Variants in CHIC2 observed in about 807,000 individuals in gnomAD.
CHIC2 encodes the protein cysteine rich hydrophobic domain 2.
CHIC2 carries 14 observed loss-of-function variants against 25.9 expected under a neutral mutation model. The ratio of observed to expected loss-of-function variants is 0.54; its 90% CI spans 0.36 to 0.85. CHIC2 has a LOEUF of 0.85. CHIC2 is among the 40% of genes least tolerant of loss of function. The pLI is 0.01. For missense variants in CHIC2, 146 were observed against 202.0 expected (o/e 0.72, Z 1.68); for synonymous variants, 70 against 72.0 (o/e 0.97, Z 0.14).
chr4:54,062,765 C>T (rs1336933442), intron 1 of CHIC2, among the ~76,000 whole-genome samples: 3 of 152,164 alleles, frequency 2.0e-5, no homozygotes, highest in Admixed American at 2.0e-4. Context: ...CATCCACATA[C>T]TCCTTAGGCT....
At chr4:54,042,147 C>T (rs982950891) in intron 3 of CHIC2, among the ~76,000 whole-genome samples, 2 of 151,868 alleles carry the variant, frequency 1.3e-5, no homozygotes, top group Non-Finnish European at 2.9e-5. Flanking sequence ...TAGTTTACAC[C>T]CAAGGACAGA....
At chr4:54,034,761 A>T (rs1377548802) in intron 3 of CHIC2, among the ~76,000 whole-genome samples, 1 of 152,170 alleles carries the variant, frequency 6.6e-6, no homozygotes, top group Non-Finnish European at 1.5e-5. Context: ...CCTGGCTAGA[A>T]TCTCCAGAAT....
At chr4:54,083,173 A>C in the CHIC2 span, among the ~76,000 whole-genome samples, 1 of 149,968 alleles carries the variant, frequency 6.7e-6, no homozygotes, top group African/African-American at 2.4e-5. Flanking sequence ...GTGCCACCTC[A>C]CCCAGCTAAT....
At chr4:54,016,394 A>G (rs1715741180) in intron 3 of CHIC2, among the ~76,000 whole-genome samples, 1 of 152,176 alleles carries the variant, frequency 6.6e-6, no homozygotes, top group East Asian at 1.9e-4. Flanking sequence ...GTATTTGAAT[A>G]AAAGATAATT....
At chr4:54,029,674 T>C (rs1205947814) in intron 3 of CHIC2, among the ~76,000 whole-genome samples, 2 of 152,232 alleles carry the variant, frequency 1.3e-5, no homozygotes, top group African/African-American at 4.8e-5. Context: ...TGATTCTTCA[T>C]CTAAATGTTT....
intron 5 of CHIC2, among the ~76,000 whole-genome samples, chr4:54,010,489 A>G (rs1715551114): frequency 1.3e-5 from 2 of 152,078 alleles, no homozygotes; most frequent in Non-Finnish European, 2.9e-5. Flanking sequence ...CACTCATGAG[A>G]AAAGAGGCTA....
the CHIC2 span, among the ~76,000 whole-genome samples, chr4:54,083,647 T>A: frequency 6.6e-6 from 1 of 152,274 alleles, no homozygotes; most frequent in East Asian, 1.9e-4. Flanking sequence ...TCCAAATTAC[T>A]CTTGAATTTA....
chr4:54,041,038 T>C (rs1716560861), intron 3 of CHIC2, among the ~76,000 whole-genome samples: 1 of 147,932 alleles, frequency 6.8e-6, no homozygotes, highest in Admixed American at 6.9e-5. Flanking sequence ...TGCCTCAGCC[T>C]CCCGAGTAGC....
At chr4:54,075,885 T>G in the CHIC2 span, among the ~76,000 whole-genome samples, 3 of 152,226 alleles carry the variant, frequency 2.0e-5, no homozygotes, top group Non-Finnish European at 1.5e-5. Flanking sequence ...TAATATTTTA[T>G]AAAACATGTT....
Position 54,010,143 on chromosome 4 carries a change from G to A in CHIC2, c.450C>T (p.Val150=), listed in dbSNP as rs755185416. Residue 150 remains valine (V), a splice_region_variant and synonymous_variant, in exon 6 of 6, where the codon GTC becomes GTT. Transcript: ENST00000263921. ...KCETNNMMEY[V]ILIEFLPKTP... The stretch of plus-strand genomic sequence containing the variant: ...TCTTTGGTAAAAATTCTATGAGGAT[G>A]ACCTGTAAAAGGAGAAGAAAAAGGT... 2 of 1,604,170 alleles carry A rather than the reference G, an allele frequency of 1.2e-6. No individual in the cohort carries two copies. Among genetic ancestry groups the A allele is most frequent in the Non-Finnish European group, 1.7e-6 (2 of 1,171,864 alleles).
rs1168965400 is a variant in CHIC2, at chr4:54,049,122, T to A, written c.175-12A>T. 1 of 1,592,330 alleles carries A rather than the reference T, an allele frequency of 6.3e-7. No individual in the cohort carries two copies. Among genetic ancestry groups the A allele is most frequent in the Non-Finnish European group, 8.5e-7 (1 of 1,170,488 alleles). On this transcript the variant is annotated splice_polypyrimidine_tract_variant and intron_variant, in intron 2 of 5. Coordinates refer to ENST00000263921, the MANE Select transcript of CHIC2 (RefSeq NM_012110.4). The stretch of plus-strand genomic sequence containing the variant: ...TCTTCAGGAGCTACCTAAAGAAAAA[T>A]TTTAAGAAATAATAACAATGCAATA...
At chr4:54,010,195 C>T in intron 5 of CHIC2, 50 bp from the exon 6 acceptor site, 1 of 1,341,586 alleles carries the variant, frequency 7.5e-7, no homozygotes. Flanking sequence ...AAAATTTTTT[C>T]TTAAAACTTC....
At chr4:54,046,274 T>C (rs1430744204) in intron 3 of CHIC2, among the ~76,000 whole-genome samples, 1 of 152,160 alleles carries the variant, frequency 6.6e-6, no homozygotes, top group Admixed American at 6.5e-5. Context: ...TACCAATGAC[T>C]TTCTTCACAG....
intron 1 of CHIC2, among the ~76,000 whole-genome samples, chr4:54,057,406 G>A (rs1200177860): frequency 1.3e-5 from 2 of 152,050 alleles, no homozygotes; most frequent in Non-Finnish European, 2.9e-5. Flanking sequence ...TATCCTTTCA[G>A]TTCCTCAGGC....
chr4:54,044,595 C>G (rs1168050716), intron 3 of CHIC2, among the ~76,000 whole-genome samples: 3 of 151,898 alleles, frequency 2.0e-5, no homozygotes, highest in African/African-American at 7.3e-5. Context: ...TCCTTTGAAA[C>G]CAATGAGAAC....
chr4:54,065,222 G>C (rs1322283452), upstream of CHIC2: 1 of 666,406 alleles, frequency 1.5e-6, no homozygotes, highest in African/African-American at 2.0e-5. Context: ...CAATATATGA[G>C]GCCAGCGATG....
chr4:54,043,682 C>A (rs1253134974), intron 3 of CHIC2, among the ~76,000 whole-genome samples: 1 of 152,120 alleles, frequency 6.6e-6, no homozygotes, highest in Non-Finnish European at 1.5e-5. Flanking sequence ...ACAACTGGTA[C>A]CAGCCACTGC....
chr4:54,043,170 C>G (rs1174257088), intron 3 of CHIC2, among the ~76,000 whole-genome samples: 1 of 152,074 alleles, frequency 6.6e-6, no homozygotes, highest in Non-Finnish European at 1.5e-5. Context: ...GCCTGTAATC[C>G]CAGCACTTTG....
intron 3 of CHIC2, among the ~76,000 whole-genome samples, chr4:54,027,128 T>TA (rs1158013753): frequency 6.6e-6 from 1 of 152,116 alleles, no homozygotes; most frequent in Admixed American, 6.5e-5. Context: ...GAATCTATTT[T>TA]AAAAAACAGC....
Sources: allele counts gnomAD v4.1 joint callset (sites outside exome capture counted in the v4.1 genomes callset), GRCh38; gene constraint gnomAD v4.1.1; transcripts MANE v1.5; gene names NCBI Gene and HGNC (gene_info 2026-07-23, HGNC 2026-07-21).